The following ANKAR variants were observed in gnomAD, a reference collection of about 807,000 sequenced individuals.
The protein encoded by ANKAR is ankyrin and armadillo repeat-containing protein.
Under a neutral mutation model 146.2 loss-of-function variants are expected in ANKAR, and 136 were observed. The observed-to-expected ratio is 0.93, with a 90% CI of 0.81 to 1.07. The LOEUF is 1.07. Among genes scored for constraint, ANKAR ranks in the 50% least tolerant of loss-of-function variants. ANKAR has a pLI of 0.00. For missense variants in ANKAR, 1,567 were observed against 1,679.9 expected (o/e 0.93, Z 1.18); for synonymous variants, 500 against 575.8 (o/e 0.87, Z 1.88).
chr2:189,718,980 AC>A (rs1328556610), intron 10 of ANKAR, among the ~76,000 whole-genome samples: 5 of 150,160 alleles, frequency 3.3e-5, no homozygotes, highest in African/African-American at 1.2e-4. Context: ...CGATCTCCTG[AC>A]CTCATGATCC....
At chr2:189,686,522 C>A (rs1490700372) in intron 2 of ANKAR, among the ~76,000 whole-genome samples, 2 of 152,056 alleles carry the variant, frequency 1.3e-5, no homozygotes, top group East Asian at 3.9e-4. Context: ...ACTTAGCTGG[C>A]AGTTTCTTTG....
At chr2:189,737,896 T>C in intron 18 of ANKAR, 55 bp downstream of exon 18, 7 of 1,452,000 alleles carry the variant, frequency 4.8e-6, no homozygotes, top group Non-Finnish European at 6.3e-6. Context: ...TTGTGAAAAC[T>C]TGAAAATTAC....
At chr2:189,757,819 T>C (rs1179273352) in intron 18 of ANKAR, among the ~76,000 whole-genome samples, 1 of 152,226 alleles carries the variant, frequency 6.6e-6, no homozygotes, top group Non-Finnish European at 1.5e-5. Context: ...AGGTGGATGG[T>C]ATCACTGAAG....
At chr2:189,704,125 C>T (rs2038483862) in intron 7 of ANKAR, among the ~76,000 whole-genome samples, 1 of 142,034 alleles carries the variant, frequency 7.0e-6, no homozygotes, top group Non-Finnish European at 1.5e-5. Flanking sequence ...ACAGTTTTAC[C>T]CAGTAACTCT....
chr2:189,705,341 C>A, intron 8 of ANKAR, 117 bp downstream of exon 8: 1 of 1,021,166 alleles, frequency 9.8e-7, no homozygotes, highest in Non-Finnish European at 1.4e-6. Context: ...TTGCCACACA[C>A]ACTGCCACTA....
In ANKAR at chr2:189,725,414, G is replaced by A. The variant is rs145867738; in HGVS notation, c.2636-2442G>A. Among the ~76,000 whole-genome samples the A allele has an allele frequency of 2.7e-3, 406 of 152,172 alleles. 2 individuals carry two copies. The highest frequency in any genetic ancestry group is 9.1e-3 in the African/African-American group (378 of 41,518). On this transcript the variant is annotated intron_variant, in intron 12 of 22. Coordinates refer to ENST00000684021, the MANE Select transcript of ANKAR (RefSeq NM_001378068.1). ...TATCATCCCTCATTAAAAGGAACCA[G>A]AGCTTCTTGGAGAAATAGTTGATTC...
At chr2:189,699,156 GA>G (rs941636616) in intron 7 of ANKAR, among the ~76,000 whole-genome samples, 19 of 152,066 alleles carry the variant, frequency 1.2e-4, no homozygotes, top group African/African-American at 4.6e-4. Context: ...CATTTTATTG[GA>G]AACCTTAAAT....
intron 12 of ANKAR, among the ~76,000 whole-genome samples, chr2:189,723,417 T>C (rs2041528962): frequency 6.6e-6 from 1 of 152,182 alleles, no homozygotes; most frequent in African/African-American, 2.4e-5. Context: ...CTGTTCTGTG[T>C]TAATAACAAA....
chr2:189,678,899 GCTA>G (rs1559049725), intron 2 of ANKAR, among the ~76,000 whole-genome samples: 1 of 152,096 alleles, frequency 6.6e-6, no homozygotes, highest in Non-Finnish European at 1.5e-5. Flanking sequence ...TCTTGCTTTA[GCTA>G]TGTGGGCTCA....
At chr2:189,688,203 A>G (rs766546804) in intron 2 of ANKAR, among the ~76,000 whole-genome samples, 2 of 152,142 alleles carry the variant, frequency 1.3e-5, no homozygotes, top group African/African-American at 2.4e-5. Context: ...TCCCAGTGCC[A>G]TTTATTGAAG....
Position 189,753,840 on chromosome 2 carries a change from C to T in ANKAR, c.*585-7258C>T, listed in dbSNP as rs1368846969. 7.4e-6 allele frequency: 11 copies of T among 1,482,416 alleles called. No individual in the cohort carries two copies. In the East Asian group the frequency reaches 9.1e-5, roughly 12 times the overall value. 91.8% of individuals were successfully genotyped at this position (1,482,416 alleles called of 1,614,324 possible). Reference sequence around the variant, plus strand: ...GGCATAAAGATCTGTTCATCCTAAACACAAGGTCAAGGTCTTGGGAAAAAA... The same window carrying T: ...GGCATAAAGATCTGTTCATCCTAAATACAAGGTCAAGGTCTTGGGAAAAAA... On this transcript the variant is annotated intron_variant and NMD_transcript_variant, in intron 18 of 18. Coordinates refer to the ANKAR transcript ENST00000441800.
In ANKAR at chr2:189,737,707, G is replaced by A; in HGVS notation, c.3448G>A (p.Ala1150Thr). 1.3e-6 allele frequency: 2 copies of A among 1,596,798 alleles called. No homozygotes were observed. The highest frequency in any genetic ancestry group is 1.7e-6 in the Non-Finnish European group (2 of 1,175,634). Residue 1150 changes from alanine (A) to threonine (T), a missense_variant, in exon 18 of 23, where the codon GCA becomes ACA. Transcript: ENST00000684021. ...EKDICLRAGY[A>T]LTLFAFNNRF... Reference sequence around the variant, plus strand: ...GGATATTTGCTTAAGAGCAGGCTATGCATTAACACTTTTTGCCTTCAATAA... The same window carrying A: ...GGATATTTGCTTAAGAGCAGGCTATACATTAACACTTTTTGCCTTCAATAA...
downstream of ANKAR, among the ~76,000 whole-genome samples, chr2:189,747,957 A>G (rs2044416762): frequency 6.6e-6 from 1 of 152,048 alleles, no homozygotes; most frequent in Non-Finnish European, 1.5e-5. Flanking sequence ...AAGTGCTGGG[A>G]TTACAGGTAT....
At chr2:189,699,826 C>T (rs566697659) in intron 7 of ANKAR, among the ~76,000 whole-genome samples, 43 of 152,148 alleles carry the variant, frequency 2.8e-4, no homozygotes, top group African/African-American at 9.6e-4. Flanking sequence ...ACCACTACAC[C>T]GTATATGTTT....
chr2:189,721,810 C>G (rs1158595477), intron 12 of ANKAR, among the ~76,000 whole-genome samples: 1 of 152,068 alleles, frequency 6.6e-6, no homozygotes. Context: ...TTCCAGTTCA[C>G]CAGGAATAAA....
chr2:189,677,457 G>C (rs1341407454), intron 2 of ANKAR, among the ~76,000 whole-genome samples: 2 of 151,750 alleles, frequency 1.3e-5, no homozygotes, highest in Admixed American at 6.6e-5. Context: ...CTTTCCTCTA[G>C]AATCCCCAAA....
chr2:189,719,532 T>C, intron 10 of ANKAR, 40 bp from the exon 11 acceptor site: 1 of 1,536,236 alleles, frequency 6.5e-7, no homozygotes, highest in Non-Finnish European at 8.8e-7. Flanking sequence ...TGGTTACCAA[T>C]AATTCATGCT....
chr2:189,692,510 C>A, intron 4 of ANKAR, 92 bp downstream of exon 4: 2 of 1,088,136 alleles, frequency 1.8e-6, no homozygotes, highest in Non-Finnish European at 2.6e-6. Flanking sequence ...TACAGGCACT[C>A]GACAGCTCTC....
chr2:189,759,870 A>G (rs1173258412), intron 18 of ANKAR, among the ~76,000 whole-genome samples: 1 of 152,094 alleles, frequency 6.6e-6, no homozygotes, highest in African/African-American at 2.4e-5. Context: ...CATGTGAACA[A>G]AGGTCTCTGG....
Sources: allele counts gnomAD v4.1 joint callset (sites outside exome capture counted in the v4.1 genomes callset), GRCh38; gene constraint gnomAD v4.1.1; transcripts MANE v1.5; gene names NCBI Gene and HGNC (gene_info 2026-07-23, HGNC 2026-07-21).